The following MTREX variants were observed in gnomAD, a reference collection of about 807,000 sequenced individuals.
MTREX encodes exosome RNA helicase MTR4.
MTREX carries 76 observed loss-of-function variants against 135.4 expected under a neutral mutation model. The observed-to-expected ratio is 0.56, with a 90% CI of 0.47 to 0.68. The LOEUF (loss-of-function observed/expected upper bound fraction) is 0.68, where lower values mean the gene tolerates loss of function less well. Among genes scored for constraint, MTREX ranks in the 30% least tolerant of loss-of-function variants. MTREX has a pLI of 0.00. For synonymous variants in MTREX, 404 were observed against 401.6 expected, an observed-to-expected ratio of 1.01 and a Z score of -0.07; for missense variants, 920 against 1,262.1, an observed-to-expected ratio of 0.73 and a Z score of 4.11.
At chr5:55,392,165 G>T (rs1015161487) in intron 19 of MTREX, among the ~76,000 whole-genome samples, 4 of 152,122 alleles carry the variant, frequency 2.6e-5, no homozygotes, top group African/African-American at 9.7e-5. Flanking sequence ...TTTTAATTGT[G>T]TGTGGCCACC....
intron 18 of MTREX, among the ~76,000 whole-genome samples, chr5:55,382,782 G>A (rs770705710): frequency 2.6e-5 from 4 of 151,974 alleles, no homozygotes; most frequent in Admixed American, 1.3e-4. Context: ...ACAGGCTCAC[G>A]CCACCACACC....
intron 18 of MTREX, 121 bp downstream of exon 18, chr5:55,379,316 C>G: frequency 1.7e-6 from 1 of 582,812 alleles, no homozygotes; most frequent in Non-Finnish European, 2.9e-6. Flanking sequence ...ATAAATTCTG[C>G]CATGAGGAAT....
At chr5:55,394,319 A>G (rs1165868118) in intron 19 of MTREX, among the ~76,000 whole-genome samples, 2 of 152,248 alleles carry the variant, frequency 1.3e-5, no homozygotes, top group African/African-American at 2.4e-5. Flanking sequence ...CAGTGCATCA[A>G]CTGCTGGTTC....
intron 23 of MTREX, 42 bp downstream of exon 23, chr5:55,410,671 CA>C (rs1225383164): frequency 8.3e-7 from 1 of 1,200,284 alleles, no homozygotes; most frequent in Admixed American, 1.8e-5. Flanking sequence ...TTAATTCACA[CA>C]TCATGTAGTT....
At chr5:55,383,101 A>G (rs762555058) in intron 18 of MTREX, among the ~76,000 whole-genome samples, 1 of 152,094 alleles carries the variant, frequency 6.6e-6, no homozygotes, top group Non-Finnish European at 1.5e-5. Flanking sequence ...GCTCCCACCT[A>G]CTTCCATTAT....
intron 25 of MTREX, among the ~76,000 whole-genome samples, chr5:55,421,689 T>C (rs1175733780): frequency 1.3e-5 from 2 of 152,222 alleles, no homozygotes; most frequent in Non-Finnish European, 1.5e-5. Flanking sequence ...GTCAAAACAA[T>C]GTTTGAGAAT....
chr5:55,409,707 A>G (rs934657477), intron 22 of MTREX, among the ~76,000 whole-genome samples: 3 of 152,350 alleles, frequency 2.0e-5, no homozygotes, highest in Non-Finnish European at 4.4e-5. Context: ...CTGGACTTGT[A>G]CATTTTGACA....
intron 1 of MTREX, among the ~76,000 whole-genome samples, chr5:55,316,556 C>A (rs528123647): frequency 2.0e-5 from 3 of 152,236 alleles, no homozygotes; most frequent in Non-Finnish European, 4.4e-5. Flanking sequence ...TCAATACATG[C>A]AGAAAAGGCC....
At chr5:55,358,524 T>C (rs1208154845) in intron 14 of MTREX, 49 bp from the exon 15 acceptor site, 2 of 1,485,618 alleles carry the variant, frequency 1.3e-6, no homozygotes, top group Admixed American at 4.7e-5. Flanking sequence ...AGAATATGTT[T>C]TTTACCAGTT....
chr5:55,312,676 A>G (rs1749133907), intron 1 of MTREX, among the ~76,000 whole-genome samples: 1 of 152,134 alleles, frequency 6.6e-6, no homozygotes, highest in Non-Finnish European at 1.5e-5. Flanking sequence ...GCTGAATAGT[A>G]TTCTGTTTTA....
intron 15 of MTREX, among the ~76,000 whole-genome samples, chr5:55,360,419 T>C (rs969013209): frequency 1.3e-5 from 2 of 151,976 alleles, no homozygotes; most frequent in Admixed American, 1.3e-4. Flanking sequence ...TTTTTTTTTT[T>C]ACAAGTCTTT....
chr5:55,378,582 C>A, intron 17 of MTREX, 96 bp downstream of exon 17: 1 of 1,278,420 alleles, frequency 7.8e-7, no homozygotes, highest in Non-Finnish European at 1.1e-6. Flanking sequence ...TGATAAAATG[C>A]TTCCTGCTAC....
At chr5:55,402,759 A>G (rs2111595927) in intron 21 of MTREX, among the ~76,000 whole-genome samples, 1 of 150,826 alleles carries the variant, frequency 6.6e-6, no homozygotes, top group East Asian at 1.9e-4. Flanking sequence ...CCCCCTCCCC[A>G]TCATTGTCTA....
chr5:55,310,784 T>C (rs1172705612), intron 1 of MTREX, among the ~76,000 whole-genome samples: 1 of 152,134 alleles, frequency 6.6e-6, no homozygotes, highest in Admixed American at 6.5e-5. Context: ...AAAAATAGTT[T>C]CTTTACCTTT....
intron 1 of MTREX, among the ~76,000 whole-genome samples, chr5:55,314,126 G>C (rs1749161616): frequency 6.6e-6 from 1 of 151,890 alleles, no homozygotes; most frequent in Admixed American, 6.6e-5. Context: ...TGTTGTTGTT[G>C]TTTGCCATTT....
chr5:55,378,255 G>A, intron 16 of MTREX, 59 bp from the exon 17 acceptor site: 1 of 1,486,314 alleles, frequency 6.7e-7, no homozygotes, highest in Non-Finnish European at 8.9e-7. Flanking sequence ...CCTATGTCTT[G>A]GGTATAATTT....
rs1749504455 is a variant in MTREX, at chr5:55,333,258, A to T, written c.515+4447A>T. ...GCAGAATAGTCTTTATCTCTTTCTC[A>T]GCCTTAAACACATTATGGTTCTCTA... On this transcript the variant is annotated intron_variant, in intron 5 of 26. Transcript: ENST00000230640. Among the ~76,000 whole-genome samples the T allele has an allele frequency of 6.6e-5, 10 of 152,304 alleles. No individual in the cohort carries two copies. The South Asian group carries it at 2.1e-3, about 32-fold the overall frequency.
At chr5:55,343,879 C>T (rs1240141565) in intron 8 of MTREX, among the ~76,000 whole-genome samples, 1 of 152,188 alleles carries the variant, frequency 6.6e-6, no homozygotes, top group South Asian at 2.1e-4. Flanking sequence ...AGACTTTTTA[C>T]TGACTTTCTG....
chr5:55,330,312 G>A (rs1035623730), intron 5 of MTREX, among the ~76,000 whole-genome samples: 2 of 152,040 alleles, frequency 1.3e-5, no homozygotes, highest in Non-Finnish European at 2.9e-5. Context: ...CTGGGCTCAA[G>A]TGATTCTCCT....
Sources: allele counts gnomAD v4.1 joint callset (sites outside exome capture counted in the v4.1 genomes callset), GRCh38; gene constraint gnomAD v4.1.1; transcripts MANE v1.5; gene names NCBI Gene and HGNC (gene_info 2026-07-23, HGNC 2026-07-21).